Variants in NOS1AP observed in about 807,000 individuals in gnomAD.
NOS1AP encodes the protein carboxyl-terminal PDZ ligand of neuronal nitric oxide synthase protein.
A neutral mutation model predicts 56.2 loss-of-function variants in NOS1AP; 21 were observed. The observed-to-expected ratio is 0.37, with a 90% CI of 0.26 to 0.54. The LOEUF is 0.54. Ranked by LOEUF, NOS1AP falls within the 20% of genes least tolerant of loss-of-function variation. NOS1AP has a pLI of 0.84. For missense variants in NOS1AP, 522 were observed against 657.8 expected, an observed-to-expected ratio of 0.79 and a Z score of 2.26; for synonymous variants, 270 against 274.6, an observed-to-expected ratio of 0.98 and a Z score of 0.17.
chr1:162,245,328 G>A (rs1653627115), intron 2 of NOS1AP, among the ~76,000 whole-genome samples: 1 of 152,170 alleles, frequency 6.6e-6, no homozygotes, highest in African/African-American at 2.4e-5. Flanking sequence ...ACCATAAGGA[G>A]GAACCTCTGC....
intron 2 of NOS1AP, among the ~76,000 whole-genome samples, chr1:162,283,324 G>A (rs970584102): frequency 1.3e-5 from 2 of 152,092 alleles, no homozygotes; most frequent in African/African-American, 4.8e-5. Flanking sequence ...TATTCCTTCT[G>A]TTTCTGAAGT....
intron 2 of NOS1AP, among the ~76,000 whole-genome samples, chr1:162,225,494 T>A (rs2101662361): frequency 6.6e-6 from 1 of 152,272 alleles, no homozygotes; most frequent in East Asian, 1.9e-4. Flanking sequence ...TTCAGGTAGG[T>A]TGTGTAAAGG....
chr1:162,119,679 C>T (rs1446971683), intron 1 of NOS1AP, among the ~76,000 whole-genome samples: 1 of 152,158 alleles, frequency 6.6e-6, no homozygotes, highest in African/African-American at 2.4e-5. Context: ...ATCGTAGTCT[C>T]CCTAATTCTT....
At chr1:162,167,493 G>A (rs1008923341) in intron 2 of NOS1AP, among the ~76,000 whole-genome samples, 1 of 152,180 alleles carries the variant, frequency 6.6e-6, no homozygotes, top group Non-Finnish European at 1.5e-5. Flanking sequence ...GGGAGTCCCC[G>A]GTTTGACTCC....
chr1:162,359,814 T>C (rs1178991473), intron 8 of NOS1AP, among the ~76,000 whole-genome samples: 2 of 152,174 alleles, frequency 1.3e-5, no homozygotes, highest in African/African-American at 4.8e-5. Flanking sequence ...CTGTCTGTCT[T>C]TATTAAACTA....
At chr1:162,312,581 A>G (rs1656075649) in intron 4 of NOS1AP, among the ~76,000 whole-genome samples, 4 of 142,454 alleles carry the variant, frequency 2.8e-5, no homozygotes, top group African/African-American at 7.9e-5. Context: ...GAAGCTCTTT[A>G]GTTTAATTAG....
At chr1:162,359,714 C>G (rs1266292848) in intron 8 of NOS1AP, among the ~76,000 whole-genome samples, 7 of 141,142 alleles carry the variant, frequency 5.0e-5, no homozygotes, top group African/African-American at 1.7e-4. Context: ...CTTGGTTTCT[C>G]TACGCGGGGG....
In NOS1AP at chr1:162,333,818, A is replaced by G. The variant is rs927790713; in HGVS notation, c.453+693A>G. Among the ~76,000 whole-genome samples the G allele has an allele frequency of 1.4e-4, 22 of 152,216 alleles. 1 individual carries two copies. Among genetic ancestry groups the G allele is most frequent in the Admixed American group, 1.4e-3 (21 of 15,280 alleles). On this transcript the variant is annotated intron_variant, in intron 5 of 9. Transcript: ENST00000361897. ...AGCCAAAATGTTTCATGTTAAAACT[A>G]CCTGATTTAAGTTGCTGAGAAGGTC... is the stretch of plus-strand genomic sequence containing the variant.
At chr1:162,200,993 A>G (rs533584059) in intron 2 of NOS1AP, among the ~76,000 whole-genome samples, 296 of 152,266 alleles carry the variant, frequency 1.9e-3, no homozygotes, top group Middle Eastern at 3.4e-3. Context: ...TGTACAGAGT[A>G]TTTCATCACC....
chr1:162,250,689 G>A (rs933200747), intron 2 of NOS1AP, among the ~76,000 whole-genome samples: 3 of 152,302 alleles, frequency 2.0e-5, no homozygotes, highest in African/African-American at 7.2e-5. Context: ...TGCAGTGGAT[G>A]TCTATATTTA....
intron 5 of NOS1AP, among the ~76,000 whole-genome samples, chr1:162,336,549 C>T (rs905003285): frequency 1.3e-4 from 20 of 152,120 alleles, no homozygotes; most frequent in African/African-American, 4.8e-5. Context: ...CTTTTTTCCT[C>T]ATAGTATCTT....
intron 5 of NOS1AP, among the ~76,000 whole-genome samples, chr1:162,342,953 G>A (rs1160844831): frequency 6.6e-6 from 1 of 152,206 alleles, no homozygotes; most frequent in African/African-American, 2.4e-5. Context: ...CCCAGCCTGA[G>A]CTCTGAAACT....
At chr1:162,251,801 A>G (rs1368886246) in intron 2 of NOS1AP, among the ~76,000 whole-genome samples, 1 of 149,092 alleles carries the variant, frequency 6.7e-6, no homozygotes, top group Admixed American at 6.7e-5. Flanking sequence ...GATCTTCCCA[A>G]TTCAACCTCC....
intron 4 of NOS1AP, among the ~76,000 whole-genome samples, chr1:162,311,709 T>A (rs1477539695): frequency 6.7e-6 from 1 of 148,348 alleles, no homozygotes; most frequent in African/African-American, 2.5e-5. Flanking sequence ...ATTAGGTATA[T>A]CTCCCGATGC....
At chr1:162,135,029 A>C (rs1348942601) in intron 1 of NOS1AP, among the ~76,000 whole-genome samples, 4 of 152,068 alleles carry the variant, frequency 2.6e-5, no homozygotes, top group Non-Finnish European at 4.4e-5. Context: ...TATCCAACCA[A>C]CTATTTATCC....
At chr1:162,273,031 T>C (rs1231192184) in intron 2 of NOS1AP, among the ~76,000 whole-genome samples, 1 of 152,136 alleles carries the variant, frequency 6.6e-6, no homozygotes, top group Non-Finnish European at 1.5e-5. Context: ...TTAGTGACCC[T>C]ACCAGTGCCT....
At chr1:162,271,142 G>A (rs574366257) in intron 2 of NOS1AP, among the ~76,000 whole-genome samples, 35 of 152,066 alleles carry the variant, frequency 2.3e-4, no homozygotes, top group Non-Finnish European at 2.2e-4. Context: ...GGTCGTGGGG[G>A]GTGTGCGTGC....
At chr1:162,238,575 T>C (rs1653380801) in intron 2 of NOS1AP, among the ~76,000 whole-genome samples, 1 of 152,202 alleles carries the variant, frequency 6.6e-6, no homozygotes, top group African/African-American at 2.4e-5. Context: ...CCTAAACTTG[T>C]TTGCACCAGT....
chr1:162,267,823 G>A (rs1018958560), intron 2 of NOS1AP, among the ~76,000 whole-genome samples: 3 of 152,122 alleles, frequency 2.0e-5, no homozygotes, highest in Admixed American at 2.0e-4. Context: ...TAGCCTTAAT[G>A]GAGCAGAGGT....
Sources: gnomAD v4.1 joint callset for allele counts (sites outside exome capture counted in the v4.1 genomes callset) on GRCh38, gnomAD v4.1.1 for gene constraint, MANE v1.5 for transcripts, NCBI Gene and HGNC (gene_info 2026-07-23, HGNC 2026-07-21) for gene names.